The following CTBP2 variants were observed in gnomAD, a reference collection of about 807,000 sequenced individuals.
The protein encoded by CTBP2 is C-terminal-binding protein 2.
A neutral mutation model predicts 80.3 loss-of-function variants in CTBP2; 30 were observed. That is an observed-to-expected ratio of 0.37 (90% CI 0.28 to 0.51). The LOEUF (loss-of-function observed/expected upper bound fraction) is 0.51. Ranked by LOEUF, CTBP2 falls within the 20% of genes least tolerant of loss-of-function variation. The pLI is 0.93. For synonymous variants in CTBP2, 594 were observed against 587.4 expected, an observed-to-expected ratio of 1.01 and a Z score of -0.16; for missense variants, 1,212 against 1,375.3, an observed-to-expected ratio of 0.88 and a Z score of 1.88.
chr10:125,076,223 C>G (rs776393569), intron 2 of CTBP2, among the ~76,000 whole-genome samples: 1 of 152,200 alleles, frequency 6.6e-6, no homozygotes, highest in Non-Finnish European at 1.5e-5. Flanking sequence ...GAAGACGACC[C>G]TGAGCAAACG....
At chr10:125,043,117 GA>G (rs1960311367) in intron 2 of CTBP2, among the ~76,000 whole-genome samples, 1 of 152,228 alleles carries the variant, frequency 6.6e-6, no homozygotes, top group Non-Finnish European at 1.5e-5. Context: ...GACGGGTATG[GA>G]AGATTTGTTC....
At chr10:125,140,323 G>A (rs927691607) in intron 1 of CTBP2, among the ~76,000 whole-genome samples, 7 of 151,808 alleles carry the variant, frequency 4.6e-5, no homozygotes, top group South Asian at 2.1e-4. Flanking sequence ...CCGAGATCAC[G>A]GGAATGCCAG....
At chr10:125,153,870 C>G (rs1860454073) in intron 1 of CTBP2, among the ~76,000 whole-genome samples, 2 of 152,190 alleles carry the variant, frequency 1.3e-5, no homozygotes, top group African/African-American at 4.8e-5. Flanking sequence ...TTGCTGGAGG[C>G]CAGATTTCAG....
At chr10:125,080,642 T>C (rs1847039598) in intron 2 of CTBP2, among the ~76,000 whole-genome samples, 1 of 152,118 alleles carries the variant, frequency 6.6e-6, no homozygotes, top group Middle Eastern at 3.4e-3. Flanking sequence ...GGGGGAAAAA[T>C]AGTCACGCAA....
intron 1 of CTBP2, among the ~76,000 whole-genome samples, chr10:125,125,822 C>A (rs1360796735): frequency 6.6e-6 from 1 of 152,228 alleles, no homozygotes; most frequent in East Asian, 1.9e-4. Context: ...AGAAAGGGAG[C>A]CATAGCTCAG....
chr10:125,011,403 G>A (rs1955884564), intron 1 of CTBP2, among the ~76,000 whole-genome samples: 1 of 152,244 alleles, frequency 6.6e-6, no homozygotes, highest in African/African-American at 2.4e-5. Flanking sequence ...AGCTGGCGAG[G>A]CAGGAGGCTC....
chr10:125,092,097 G>A (rs1012037248), intron 2 of CTBP2, among the ~76,000 whole-genome samples: 4 of 151,660 alleles, frequency 2.6e-5, no homozygotes, highest in African/African-American at 9.7e-5. Context: ...TAAAATCTTG[G>A]TGCATTAGAG....
intron 2 of CTBP2, among the ~76,000 whole-genome samples, chr10:125,094,948 C>T (rs1252454855): frequency 2.6e-5 from 4 of 151,554 alleles, no homozygotes; most frequent in South Asian, 2.1e-4. Flanking sequence ...GAACAGACGA[C>T]GAGCATGGGG....
At chr10:124,997,573 G>C in intron 4 of CTBP2, 1 of 247,194 alleles carries the variant, frequency 4.0e-6, no homozygotes, top group South Asian at 6.2e-5. Flanking sequence ...CGTCTCCACT[G>C]AACCCTACGC....
At chr10:125,120,079 A>T (rs1219243354) in intron 1 of CTBP2, among the ~76,000 whole-genome samples, 1 of 152,238 alleles carries the variant, frequency 6.6e-6, no homozygotes, top group East Asian at 1.9e-4. Context: ...TCCAATAGCC[A>T]ATCAACCTGG....
chr10:125,063,014 T>A (rs985504237), intron 2 of CTBP2, among the ~76,000 whole-genome samples: 1 of 152,178 alleles, frequency 6.6e-6, no homozygotes, highest in Non-Finnish European at 1.5e-5. Flanking sequence ...AGGCTGGGCC[T>A]CCACAGGAAG....
At chr10:125,130,523 C>G (rs1035020564) in intron 1 of CTBP2, among the ~76,000 whole-genome samples, 14 of 152,328 alleles carry the variant, frequency 9.2e-5, no homozygotes, top group African/African-American at 3.1e-4. Context: ...AAAAGTGGGA[C>G]TTCTCAATCT....
intron 1 of CTBP2, 28 bp from the exon 4 acceptor site, chr10:125,003,520 TG>T: frequency 3.3e-6 from 5 of 1,513,726 alleles, no homozygotes; most frequent in Non-Finnish European, 4.4e-6. Flanking sequence ...GTGAGCACAG[TG>T]GGTGGGTGGC....
chr10:125,142,112 T>G (rs746384505), intron 1 of CTBP2, among the ~76,000 whole-genome samples: 3 of 152,166 alleles, frequency 2.0e-5, no homozygotes, highest in Non-Finnish European at 2.9e-5. Context: ...CTGCCCACTC[T>G]TGGGTTTGCA....
intron 1 of CTBP2, among the ~76,000 whole-genome samples, chr10:125,159,495 G>GGCGGCGGCGGCA (rs1474514641): frequency 3.4e-5 from 5 of 147,352 alleles, no homozygotes; most frequent in Non-Finnish European, 1.5e-5. Flanking sequence ...GCGCGGCAGT[G>GGCGGCGGCGGCA]GCGGCGGCGG....
At chr10:125,012,291 T>C (rs1956019724) in intron 1 of CTBP2, among the ~76,000 whole-genome samples, 1 of 152,040 alleles carries the variant, frequency 6.6e-6, no homozygotes, top group Non-Finnish European at 1.5e-5. Flanking sequence ...GGAATAAGGA[T>C]TGTGGCTCCC....
At chr10:125,088,108 CCTATGGAGCCACCAAGAG>C (rs1848262084) in intron 2 of CTBP2, 1 of 152,342 alleles carries the variant, frequency 6.6e-6, no homozygotes, top group East Asian at 1.9e-4. Flanking sequence ...TGCTTGAGAG[CCTATGGAGCCACCAAGAG>C]CTAAACTGAA....
At chr10:125,061,221 T>C (rs1964906926) in intron 2 of CTBP2, among the ~76,000 whole-genome samples, 1 of 152,238 alleles carries the variant, frequency 6.6e-6, no homozygotes, top group African/African-American at 2.4e-5. Context: ...ACATCTTATT[T>C]TCGTCTGCAA....
At chr10:125,112,960 T>A (rs1456725413) in intron 1 of CTBP2, among the ~76,000 whole-genome samples, 2 of 151,870 alleles carry the variant, frequency 1.3e-5, no homozygotes, top group African/African-American at 4.8e-5. Flanking sequence ...ATTCAATGAG[T>A]CCTCCGACAG....
Sources: gnomAD v4.1 joint callset for allele counts (sites outside exome capture counted in the v4.1 genomes callset) on GRCh38, gnomAD v4.1.1 for gene constraint, MANE v1.5 for transcripts, NCBI Gene and HGNC (gene_info 2026-07-23, HGNC 2026-07-21) for gene names.